DCT: variants seen among roughly 807,000 people sequenced by gnomAD.
DCT encodes the protein dopachrome tautomerase.
Under a neutral mutation model 53.0 loss-of-function variants are expected in DCT, and 47 were observed. The observed-to-expected ratio is 0.89, with a 90% CI of 0.70 to 1.13. DCT has a LOEUF of 1.13. Among genes scored for constraint, DCT ranks in the 50% most tolerant of loss-of-function variants. The probability of loss-of-function intolerance (pLI) is 0.00; values close to 1 mark genes in which losing one functional copy is unlikely to be tolerated. For synonymous variants in DCT, 244 were observed against 237.0 expected, an observed-to-expected ratio of 1.03 and a Z score of -0.27; for missense variants, 669 against 637.4, an observed-to-expected ratio of 1.05 and a Z score of -0.53.
intron 6 of DCT, among the ~76,000 whole-genome samples, chr13:94,459,404 GCTC>G (rs1227633995): frequency 3.9e-5 from 6 of 152,116 alleles, no homozygotes; most frequent in African/African-American, 1.4e-4. Flanking sequence ...GTCATTTTTT[GCTC>G]CTATTAGCCA....
chr13:94,487,733 C>T, the DCT span, among the ~76,000 whole-genome samples: 1 of 152,192 alleles, frequency 6.6e-6, no homozygotes, highest in Non-Finnish European at 1.5e-5. Context: ...CCCCTGCTCA[C>T]CTTCCCTGTC....
chr13:94,549,193 C>G, the DCT span, among the ~76,000 whole-genome samples: 147 of 152,396 alleles, frequency 9.6e-4, 2 homozygotes, highest in African/African-American at 3.5e-3. Context: ...TGGGGGCCAT[C>G]TGACCACTCA....
Position 94,465,731 on chromosome 13 carries a change from A to G in DCT, c.765T>C (p.Asp255=). Residue 255 remains aspartate (D), a synonymous_variant, in exon 4 of 8, where the codon GAT becomes GAC. Transcript: ENST00000377028. ...CCCCAAACAGCTGGTCTGTACACAC[A>G]TCACACTCGTTCCTCCCAGTGGCAA... ...WNFATGRNEC[D]VCTDQLFGAA... The G allele has an allele frequency of 6.2e-7, 1 of 1,613,022 alleles. No individual in the cohort carries two copies. Among genetic ancestry groups the G allele is most frequent in the Non-Finnish European group, 8.5e-7 (1 of 1,179,636 alleles).
At chr13:94,441,794 G>A (rs996313418) in intron 7 of DCT, among the ~76,000 whole-genome samples, 1 of 152,178 alleles carries the variant, frequency 6.6e-6, no homozygotes, top group Non-Finnish European at 1.5e-5. Flanking sequence ...TGTAAGTAAT[G>A]CTGCTATGAA....
At chr13:94,469,109 A>C in intron 1 of DCT, 64 bp from the exon 2 acceptor site, 1 of 1,362,660 alleles carries the variant, frequency 7.3e-7, no homozygotes, top group South Asian at 1.2e-5. Flanking sequence ...AAATTTCTGA[A>C]TTTGTACTCT....
the DCT span, among the ~76,000 whole-genome samples, chr13:94,497,878 G>A: frequency 6.6e-6 from 1 of 150,826 alleles, no homozygotes; most frequent in Non-Finnish European, 1.5e-5. Context: ...TCACCTATAT[G>A]TGTGTGTGTG....
chr13:94,475,503 G>A (rs74521298), intron 1 of DCT, among the ~76,000 whole-genome samples: 95 of 152,250 alleles, frequency 6.2e-4, no homozygotes, highest in African/African-American at 2.2e-3. Flanking sequence ...AGTACACGAC[G>A]GAATTGTGGT....
chr13:94,527,622 C>T, the DCT span, among the ~76,000 whole-genome samples: 1 of 152,176 alleles, frequency 6.6e-6, no homozygotes, highest in Non-Finnish European at 1.5e-5. Flanking sequence ...CAACAAAACC[C>T]CATCTGTAGG....
chr13:94,483,559 G>A (rs1020315607), upstream of DCT, among the ~76,000 whole-genome samples: 9 of 151,864 alleles, frequency 5.9e-5, no homozygotes, highest in Admixed American at 3.3e-4. Flanking sequence ...CTGGAGTGCA[G>A]TGGTGCAATC....
Position 94,450,311 on chromosome 13 carries a change from G to A in DCT, c.1180-6674C>T, listed in dbSNP as rs572732261. Among the ~76,000 whole-genome samples the A allele has an allele frequency of 3.9e-5, 6 of 151,938 alleles. No homozygotes were observed. The South Asian group carries it at 1.2e-3, about 32-fold the overall frequency. ...CTGAATGGACTAGGACACAACCACG[G>A]AAGAGAAAAAAAAAGATATTGGAGC... On this transcript the variant is annotated intron_variant, in intron 6 of 7. Transcript: ENST00000377028.
the DCT span, among the ~76,000 whole-genome samples, chr13:94,530,980 T>G: frequency 6.6e-6 from 1 of 152,148 alleles, no homozygotes; most frequent in East Asian, 1.9e-4. Flanking sequence ...ATCACAAGCT[T>G]TCCTATACAC....
rs186047946 is a variant in DCT, at chr13:94,474,016, T to C, written c.295+4945A>G. On this transcript the variant is annotated intron_variant, in intron 1 of 7. Transcript: ENST00000377028. ...AAATGTTTATTTCTTTAATTTAGTTTTCCTAATAGCATCTTCCATCAATTT... is the reference window on the plus strand; with the variant it reads ...AAATGTTTATTTCTTTAATTTAGTTCTCCTAATAGCATCTTCCATCAATTT... Among the ~76,000 whole-genome samples the C allele has an allele frequency of 7.7e-3, 1,175 of 152,330 alleles. 3 individuals carry two copies. The highest frequency in any genetic ancestry group is 0.012 in the Non-Finnish European group (840 of 68,030).
At chr13:94,548,461 G>A in the DCT span, among the ~76,000 whole-genome samples, 2 of 151,940 alleles carry the variant, frequency 1.3e-5, no homozygotes, top group African/African-American at 2.4e-5. Flanking sequence ...CCAGCAACCC[G>A]CCACCTCACT....
chr13:94,493,529 A>G, the DCT span, among the ~76,000 whole-genome samples: 1 of 152,206 alleles, frequency 6.6e-6, no homozygotes, highest in African/African-American at 2.4e-5. Context: ...AAGTCATCCA[A>G]TGGTAGGCTT....
At chr13:94,473,245 GT>G (rs1199614627) in intron 1 of DCT, among the ~76,000 whole-genome samples, 2 of 152,124 alleles carry the variant, frequency 1.3e-5, no homozygotes, top group South Asian at 2.1e-4. Flanking sequence ...GACTATTTTG[GT>G]TTTCACCTTC....
chr13:94,513,275 T>C, the DCT span, among the ~76,000 whole-genome samples: 3 of 152,216 alleles, frequency 2.0e-5, no homozygotes, highest in Admixed American at 1.3e-4. Context: ...CCAGATTGCA[T>C]TCCAGTCTAC....
intron 7 of DCT, among the ~76,000 whole-genome samples, chr13:94,440,348 T>G (rs1882202614): frequency 6.6e-6 from 1 of 152,234 alleles, no homozygotes; most frequent in South Asian, 2.1e-4. Flanking sequence ...CGAAGAAACC[T>G]TCTAAGGAAG....
chr13:94,496,007 C>T, the DCT span, among the ~76,000 whole-genome samples: 6 of 152,148 alleles, frequency 3.9e-5, no homozygotes, highest in Non-Finnish European at 8.8e-5. Flanking sequence ...TGCCAATTGA[C>T]TCTTCTCTGC....
At chr13:94,452,041 T>C (rs1252844100) in intron 6 of DCT, among the ~76,000 whole-genome samples, 2 of 151,176 alleles carry the variant, frequency 1.3e-5, no homozygotes, top group African/African-American at 4.9e-5. Flanking sequence ...GGACTTCACT[T>C]TTTTTTTTGA....
Sources: gnomAD v4.1 joint callset for allele counts (sites outside exome capture counted in the v4.1 genomes callset) on GRCh38, gnomAD v4.1.1 for gene constraint, MANE v1.5 for transcripts, NCBI Gene and HGNC (gene_info 2026-07-23, HGNC 2026-07-21) for gene names.